ZNF562: variants seen among roughly 807,000 people sequenced by gnomAD.
ZNF562 encodes the protein zinc finger protein 562.
A neutral mutation model predicts 17.5 loss-of-function variants in ZNF562; 13 were observed. The observed-to-expected ratio is 0.74, with a 90% confidence interval of 0.48 to 1.18. The LOEUF (loss-of-function observed/expected upper bound fraction) is 1.18. ZNF562 is among the 50% of genes most tolerant of loss of function. The pLI is 0.00. For missense variants in ZNF562, 481 were observed against 498.5 expected, an observed-to-expected ratio of 0.96 and a Z score of 0.33; for synonymous variants, 163 against 165.4, an observed-to-expected ratio of 0.99 and a Z score of 0.11.
intron 1 of ZNF562, among the ~76,000 whole-genome samples, chr19:9,673,192 T>C (rs1028354567): frequency 1.3e-5 from 2 of 152,102 alleles, no homozygotes; most frequent in African/African-American, 4.8e-5. Flanking sequence ...AGATAGCCAA[T>C]AGGGTCAGTT....
chr19:9,659,332 T>C lies in ZNF562; in HGVS notation c.114+47A>G, dbSNP rs1568268654. On this transcript the variant is annotated intron_variant, in intron 3 of 5. Coordinates refer to ENST00000453372, the MANE Select transcript of ZNF562 (RefSeq NM_001130031.2). ...GTCTAGAAGGAAATGTGTCTACCTA[T>C]TGGATGTAAGTATGTCATTTTGTAC... 1.3e-5 allele frequency: 19 copies of C among 1,480,066 alleles called. No homozygotes were observed. Among genetic ancestry groups the C allele is most frequent in the Non-Finnish European group, 1.4e-5 (15 of 1,083,864 alleles). 91.7% of individuals were successfully genotyped at this position (1,480,066 alleles called of 1,614,324 possible). A position where few individuals can be genotyped will look rare whatever the true frequency, so the allele number is the denominator to read the frequency against.
In ZNF562 at chr19:9,645,864, A is replaced by G. The variant is rs1412353872; in HGVS notation, c.*7085T>C. On this transcript the variant is annotated 3_prime_UTR_variant, in exon 6 of 6. Transcript: ENST00000453372. ...TTTAAAATTGTTATTTATGGTAACAACGAAAAGTAACATACAAATTTCAAA... is the reference window on the plus strand; with the variant it reads ...TTTAAAATTGTTATTTATGGTAACAGCGAAAAGTAACATACAAATTTCAAA... The G allele has an allele frequency of 2.0e-5, 3 of 152,234 alleles. No homozygotes were observed. Among genetic ancestry groups the G allele is most frequent in the African/African-American group, 7.2e-5 (3 of 41,454 alleles). 9.4% of individuals were successfully genotyped at this position (152,234 alleles called of 1,614,324 possible). A position where few individuals can be genotyped will look rare whatever the true frequency, so the allele number is the denominator to read the frequency against.
chr19:9,674,119 T>A (rs550322223), intron 1 of ZNF562, among the ~76,000 whole-genome samples: 2 of 152,190 alleles, frequency 1.3e-5, no homozygotes, highest in Admixed American at 1.3e-4. Context: ...CCCCGATGGC[T>A]AGGGTTAGAC....
chr19:9,653,272 C>G lies in ZNF562; in HGVS notation c.958G>C (p.Glu320Gln), dbSNP rs2074900416. The G allele has an allele frequency of 1.9e-6, 3 of 1,614,040 alleles. No homozygotes were observed. Among genetic ancestry groups the G allele is most frequent in the South Asian group, 2.2e-5 (2 of 91,088 alleles). Residue 320 changes from glutamate to glutamine, a missense_variant, in exon 6 of 6, where the codon GAA (glutamate) becomes CAA (glutamine). Around this residue, in one of 2 missense-constraint regions of ZNF562, gnomAD observed 403 missense variants for 386.4 expected, o/e 1.04. Transcript: ENST00000453372. ...HTGIKPHKCTECGKAFTRSTH... is the reference protein window; with the variant it reads ...HTGIKPHKCTQCGKAFTRSTH... ...GATCTAGTGAAGGCTTTCCCACATT[C>G]CGTACATTTGTGTGGTTTTATTCCA... is the stretch of plus-strand genomic sequence containing the variant.
chr19:9,665,475 C>T (rs182475020), intron 1 of ZNF562, among the ~76,000 whole-genome samples: 18 of 152,280 alleles, frequency 1.2e-4, no homozygotes. Context: ...GGAAGCATCA[C>T]AAGAGCCTGA....
chr19:9,673,379 G>A (rs915404146), intron 1 of ZNF562, among the ~76,000 whole-genome samples: 4 of 152,092 alleles, frequency 2.6e-5, no homozygotes, highest in Admixed American at 6.5e-5. Flanking sequence ...TTGCCTGAGT[G>A]CTGGTTTCAC....
intron 2 of ZNF562, among the ~76,000 whole-genome samples, chr19:9,660,310 G>A (rs552214373): frequency 2.6e-5 from 4 of 151,692 alleles, no homozygotes; most frequent in African/African-American, 4.8e-5. Flanking sequence ...AGCATTCTGC[G>A]TCTTACTTGA....
Position 9,650,783 on chromosome 19 carries a change from C to T in ZNF562, c.*2166G>A, listed in dbSNP as rs564078507. 1 of 151,886 alleles carries T rather than the reference C, an allele frequency of 6.6e-6. No homozygotes were observed. Among genetic ancestry groups the T allele is most frequent in the Non-Finnish European group, 1.5e-5 (1 of 67,978 alleles). The allele number at this position is 151,886 out of a possible 1,614,324, so 9.4% of individuals were successfully genotyped here. The stretch of plus-strand genomic sequence containing the variant: ...GATCAGCCTAACCAACATGGAGAAA[C>T]CCTGTCTCTACTAAAAATACAAACT... On this transcript the variant is annotated 3_prime_UTR_variant, in exon 6 of 6. Coordinates refer to ENST00000453372, the MANE Select transcript of ZNF562 (RefSeq NM_001130031.2).
intron 1 of ZNF562, among the ~76,000 whole-genome samples, chr19:9,670,452 G>A (rs554808563): frequency 6.6e-6 from 1 of 152,096 alleles, no homozygotes; most frequent in South Asian, 2.1e-4. Context: ...ATGAAAGAAT[G>A]AATAAAGAAA....
intron 1 of ZNF562, among the ~76,000 whole-genome samples, chr19:9,663,369 C>G (rs954475299): frequency 3.4e-5 from 5 of 148,942 alleles, no homozygotes; most frequent in Non-Finnish European, 7.4e-5. Context: ...GAGATTGCGC[C>G]ACTGCACTCC....
At chr19:9,672,143 G>A (rs759002327) in intron 1 of ZNF562, among the ~76,000 whole-genome samples, 9 of 152,174 alleles carry the variant, frequency 5.9e-5, no homozygotes, top group Non-Finnish European at 1.3e-4. Context: ...AGTAATAACT[G>A]TTATAGGCAA....
chr19:9,644,773 C>CG lies in ZNF562; in HGVS notation c.*8175_*8176insC, dbSNP rs1189612303. The CG allele has an allele frequency of 1.3e-5, 2 of 152,180 alleles. No homozygotes were observed. Among genetic ancestry groups the CG allele is most frequent in the Non-Finnish European group, 2.9e-5 (2 of 68,054 alleles). 9.4% of individuals were successfully genotyped at this position (152,180 alleles called of 1,614,324 possible). ...TACTTGAACAGCATGGGGAAACCCC[C>CG]CCCCATGATTCTATTACCTCCCACC... On this transcript the variant is annotated 3_prime_UTR_variant, in exon 6 of 6. Coordinates refer to ENST00000453372, the MANE Select transcript of ZNF562 (RefSeq NM_001130031.2).
intron 1 of ZNF562, 128 bp downstream of exon 1, chr19:9,674,884 CAGG>C (rs1207949396): frequency 6.6e-6 from 1 of 152,304 alleles, no homozygotes; most frequent in African/African-American, 2.4e-5. Context: ...GAGGCCGCAC[CAGG>C]AGGACTGACA....
intron 1 of ZNF562, among the ~76,000 whole-genome samples, chr19:9,663,970 G>C (rs2043854329): frequency 6.6e-6 from 1 of 152,100 alleles, no homozygotes; most frequent in South Asian, 2.1e-4. Context: ...AGCCAGGCTG[G>C]TCTTGAACTC....
intron 1 of ZNF562, among the ~76,000 whole-genome samples, chr19:9,669,716 G>GCACACAC (rs2044082016): frequency 1.2e-5 from 1 of 83,982 alleles, no homozygotes; most frequent in Non-Finnish European, 2.3e-5. Flanking sequence ...GCACGCGCGC[G>GCACACAC]AGCGCGCGCG....
In ZNF562 at chr19:9,670,948, C is replaced by T. The variant is rs1167122608; in HGVS notation, c.-131+4067G>A. 2.0e-5 allele frequency among the ~76,000 whole-genome samples: 3 copies of T among 148,594 alleles called. No homozygotes were observed. In the East Asian group the frequency reaches 5.9e-4, roughly 29 times the overall value. On this transcript the variant is annotated intron_variant, in intron 1 of 5. Transcript: ENST00000453372. ...GGAGGAGGCAGAGGTTGCAGTGAGC[C>T]AAGATCATGCCACTGCATTCTAGCC...
At position 9,645,409 on chromosome 19, in the gene ZNF562, A is replaced by G. The variant is rs1161314526; in HGVS notation, c.*7540T>C. 6.6e-6 allele frequency: 1 copy of G among 152,210 alleles called. No homozygotes were observed. Among genetic ancestry groups the G allele is most frequent in the African/African-American group, 2.4e-5 (1 of 41,446 alleles). 9.4% of individuals were successfully genotyped at this position (152,210 alleles called of 1,614,324 possible). ...GAGGATTTCCCAGTGGGTCCTGAAG[A>G]ACCACAGTTTATTGGCTTGTGGGCA... On this transcript the variant is annotated 3_prime_UTR_variant, in exon 6 of 6. Coordinates refer to ENST00000453372, the MANE Select transcript of ZNF562 (RefSeq NM_001130031.2).
intron 1 of ZNF562, among the ~76,000 whole-genome samples, chr19:9,669,722 G>GCACACA (rs1300208787): frequency 2.1e-5 from 2 of 97,390 alleles, no homozygotes; most frequent in African/African-American, 4.1e-5. Context: ...GCGCGAGCGC[G>GCACACA]CGCGCGCGCG....
chr19:9,658,691 G>C (rs1406765362), intron 3 of ZNF562, among the ~76,000 whole-genome samples: 1 of 151,746 alleles, frequency 6.6e-6, no homozygotes, highest in African/African-American at 2.4e-5. Context: ...TTTTTTGTCT[G>C]ATCTATTTAT....
Sources: allele counts gnomAD v4.1 joint callset (sites outside exome capture counted in the v4.1 genomes callset), GRCh38; gene constraint gnomAD v4.1.1; regional missense constraint gnomAD v4.1.1; transcripts MANE v1.5; gene names NCBI Gene and HGNC (gene_info 2026-07-23, HGNC 2026-07-21).